FRMD4B: variants seen among roughly 807,000 people sequenced by gnomAD.
FRMD4B encodes FERM domain containing 4B, also known as FERM domain-containing protein 4B.
In FRMD4B, 74 loss-of-function variants were observed where a neutral mutation model predicts 141.5. The ratio of observed to expected loss-of-function variants is 0.52; its 90% confidence interval spans 0.43 to 0.63. The LOEUF (loss-of-function observed/expected upper bound fraction) is 0.63. Ranked by LOEUF, FRMD4B falls within the 30% of genes least tolerant of loss-of-function variation. FRMD4B has a pLI of 0.00. For missense variants in FRMD4B, 1,366 were observed against 1,253.4 expected, an observed-to-expected ratio of 1.09 and a Z score of -1.36; for synonymous variants, 506 against 467.9, an observed-to-expected ratio of 1.08 and a Z score of -1.05.
At chr3:69,204,519 G>A (rs912151556) in intron 11 of FRMD4B, among the ~76,000 whole-genome samples, 5 of 152,172 alleles carry the variant, frequency 3.3e-5, no homozygotes, top group South Asian at 2.1e-4. Flanking sequence ...CTATTATTAC[G>A]TGAAGCCAAA....
chr3:69,358,669 G>A (rs1575762661), intron 1 of FRMD4B, among the ~76,000 whole-genome samples: 1 of 152,200 alleles, frequency 6.6e-6, no homozygotes, highest in Non-Finnish European at 1.5e-5. Context: ...CTGGGAGGTT[G>A]AGGCTGCAGT....
chr3:69,253,007 G>T (rs2093472473), intron 5 of FRMD4B, among the ~76,000 whole-genome samples: 1 of 151,924 alleles, frequency 6.6e-6, no homozygotes, highest in African/African-American at 2.4e-5. Flanking sequence ...TCAATCAATA[G>T]GTCACCGGGT....
intron 1 of FRMD4B, among the ~76,000 whole-genome samples, chr3:69,523,850 A>C (rs780007788): frequency 1.3e-5 from 2 of 152,142 alleles, no homozygotes; most frequent in African/African-American, 2.4e-5. Flanking sequence ...TTCCTCCCTA[A>C]GCAGTTGGTT....
intron 4 of FRMD4B, among the ~76,000 whole-genome samples, chr3:69,291,707 C>G (rs1441463848): frequency 1.3e-5 from 2 of 152,146 alleles, no homozygotes; most frequent in Non-Finnish European, 2.9e-5. Flanking sequence ...TAACAGCACT[C>G]TGATGAAATT....
chr3:69,390,603 T>G (rs1047181633), upstream of FRMD4B, among the ~76,000 whole-genome samples: 1 of 152,100 alleles, frequency 6.6e-6, no homozygotes, highest in South Asian at 2.1e-4. Flanking sequence ...AATTAAATGC[T>G]ACACCCTGGC....
At chr3:69,398,009 T>C (rs1200196762) in intron 2 of FRMD4B, among the ~76,000 whole-genome samples, 1 of 152,154 alleles carries the variant, frequency 6.6e-6, no homozygotes, top group Non-Finnish European at 1.5e-5. Context: ...GGTGTTCAAA[T>C]TTCTCTTGAT....
intron 3 of FRMD4B, among the ~76,000 whole-genome samples, chr3:69,310,792 A>G (rs1701561848): frequency 6.6e-6 from 1 of 152,170 alleles, no homozygotes; most frequent in African/African-American, 2.4e-5. Flanking sequence ...AGAAGGCAAC[A>G]TAAAATGGAC....
chr3:69,386,236 C>CA, upstream of FRMD4B: 1 of 404,898 alleles, frequency 2.5e-6, no homozygotes, highest in East Asian at 4.1e-5. Context: ...CGCCCGCTCG[C>CA]AGCGCCGAGC....
chr3:69,380,481 T>A (rs1304638657), intron 1 of FRMD4B, among the ~76,000 whole-genome samples: 1 of 152,212 alleles, frequency 6.6e-6, no homozygotes, highest in Non-Finnish European at 1.5e-5. Context: ...AGCATTTGCT[T>A]GTGCCAGGAA....
chr3:69,320,396 C>T (rs1401045962), intron 1 of FRMD4B, among the ~76,000 whole-genome samples: 2 of 151,668 alleles, frequency 1.3e-5, no homozygotes, highest in South Asian at 2.1e-4. Flanking sequence ...AGTTTGAGAC[C>T]CACCTGGGCG....
chr3:69,310,372 T>G (rs1484134651), intron 3 of FRMD4B: 1 of 435,138 alleles, frequency 2.3e-6, no homozygotes, highest in African/African-American at 2.0e-5. Flanking sequence ...ATGAAAAGAA[T>G]GCTGGATGGT....
chr3:69,283,453 A>G (rs1355536715), intron 5 of FRMD4B, among the ~76,000 whole-genome samples: 1 of 150,694 alleles, frequency 6.6e-6, no homozygotes, highest in Non-Finnish European at 1.5e-5. Context: ...AAAGAAAGAA[A>G]GGTGCTCCTA....
At chr3:69,182,574 G>C (rs2092718645) in intron 20 of FRMD4B, 24 bp downstream of exon 20, 1 of 1,585,378 alleles carries the variant, frequency 6.3e-7, no homozygotes, top group Non-Finnish European at 8.5e-7. Context: ...GACAGCTAAA[G>C]CAATGAGAAA....
At chr3:69,464,706 C>T (rs1397263570) in intron 1 of FRMD4B, among the ~76,000 whole-genome samples, 2 of 152,154 alleles carry the variant, frequency 1.3e-5, no homozygotes, top group Admixed American at 6.5e-5. Flanking sequence ...CGAGTGATCA[C>T]CTGATGCAAT....
chr3:69,524,893 G>C (rs1398890579), intron 1 of FRMD4B, among the ~76,000 whole-genome samples: 1 of 152,208 alleles, frequency 6.6e-6, no homozygotes, highest in Non-Finnish European at 1.5e-5. Flanking sequence ...CTAAAAGTGG[G>C]AGAGGAAATG....
intron 1 of FRMD4B, among the ~76,000 whole-genome samples, chr3:69,365,453 G>C (rs1178011787): frequency 6.6e-6 from 1 of 152,034 alleles, no homozygotes; most frequent in Non-Finnish European, 1.5e-5. Flanking sequence ...CTAGAATGTG[G>C]ACAAGAATGA....
chr3:69,389,918 TTTTAA>T (rs1249984594), upstream of FRMD4B, among the ~76,000 whole-genome samples: 1 of 151,832 alleles, frequency 6.6e-6, no homozygotes, highest in Non-Finnish European at 1.5e-5. Flanking sequence ...TTCTTTTTTT[TTTTAA>T]TTTAAGAAGA....
At chr3:69,439,844 A>G (rs1705317008) in intron 1 of FRMD4B, among the ~76,000 whole-genome samples, 1 of 152,210 alleles carries the variant, frequency 6.6e-6, no homozygotes, top group Admixed American at 6.5e-5. Context: ...AGCACTGTGG[A>G]AAACCTTTTC....
intron 1 of FRMD4B, among the ~76,000 whole-genome samples, chr3:69,338,685 G>A (rs1262999803): frequency 6.6e-6 from 1 of 152,020 alleles, no homozygotes; most frequent in African/African-American, 2.4e-5. Flanking sequence ...CCTACTTGAG[G>A]GTAGAGGGTA....
Sources: allele counts gnomAD v4.1 joint callset (sites outside exome capture counted in the v4.1 genomes callset), GRCh38; gene constraint gnomAD v4.1.1; transcripts MANE v1.5; gene names NCBI Gene and HGNC (gene_info 2026-07-23, HGNC 2026-07-21).